C2: variants seen among roughly 807,000 people sequenced by gnomAD.
C2 encodes the protein C3/C5 convertase.
A neutral mutation model predicts 85.2 loss-of-function variants in C2; 64 were observed. The ratio of observed to expected loss-of-function variants is 0.75; its 90% confidence interval spans 0.61 to 0.92. The LOEUF (loss-of-function observed/expected upper bound fraction) is 0.92. Among genes scored for constraint, C2 ranks in the 40% least tolerant of loss-of-function variants. The pLI is 0.00. For synonymous variants in C2, 311 were observed against 370.8 expected, an observed-to-expected ratio of 0.84 and a Z score of 1.85; for missense variants, 820 against 971.6, an observed-to-expected ratio of 0.84 and a Z score of 2.07.
At position 31,945,383 on chromosome 6, in the gene C2, C is replaced by T. The variant is rs770364020; in HGVS notation, c.*26C>T. The T allele has an allele frequency of 3.7e-6, 6 of 1,609,186 alleles. No homozygotes were observed. The African/African-American group carries it at 4.0e-5, about 11-fold the overall frequency. ...CCATGGCCACTGAGCCCTCTGCTGC[C>T]CTGCCAGAATCTGCCGCCCCTCCAT... On this transcript the variant is annotated 3_prime_UTR_variant, in exon 18 of 18. Transcript: ENST00000299367. This position sits in a 1 kb window ranked among gnomAD's most constrained non-coding sequence, Gnocchi z 5.3.
chr6:31,930,494 G>T (rs1177468500), intron 3 of C2, among the ~76,000 whole-genome samples: 2 of 152,206 alleles, frequency 1.3e-5, no homozygotes, highest in Non-Finnish European at 2.9e-5. Flanking sequence ...GGGAATGCAG[G>T]CATGTGCCAC....
At chr6:31,912,621 C>A (rs1582027736) in intron 1 of C2, among the ~76,000 whole-genome samples, 1 of 152,034 alleles carries the variant, frequency 6.6e-6, no homozygotes, top group African/African-American at 2.4e-5. Context: ...AGGTGGATCA[C>A]CTGAGGTCAG....
At chr6:31,902,583 T>TCA (rs1232952953) in intron 1 of C2, among the ~76,000 whole-genome samples, 1 of 152,266 alleles carries the variant, frequency 6.6e-6, no homozygotes, top group African/African-American at 2.4e-5. Flanking sequence ...CCTCCTCTGC[T>TCA]GAGTGTGCTC....
intron 1 of C2, among the ~76,000 whole-genome samples, chr6:31,903,200 CAGG>C (rs1336604524): frequency 6.6e-6 from 1 of 152,246 alleles, no homozygotes; most frequent in African/African-American, 2.4e-5. Flanking sequence ...TTACGTCCTT[CAGG>C]AGACTAGTGC....
chr6:31,905,202 G>A (rs1767637394), intron 1 of C2, among the ~76,000 whole-genome samples: 2 of 152,036 alleles, frequency 1.3e-5, no homozygotes, highest in Admixed American at 6.6e-5. Context: ...GGGAGGCCGA[G>A]GCAGGAGGAT....
intron 6 of C2, chr6:31,934,666 A>G (rs1426597378): frequency 2.4e-5 from 30 of 1,272,712 alleles, no homozygotes; most frequent in Non-Finnish European, 2.9e-5. Context: ...TAATAATTTA[A>G]TATTTAATAA....
At chr6:31,899,711 T>C (rs1767047768), upstream of C2, 1 of 566,200 alleles carries the variant, frequency 1.8e-6, no homozygotes, top group Non-Finnish European at 3.1e-6. Context: ...TCCCCTGGCC[T>C]CCAAGAACCC....
intron 6 of C2, 110 bp downstream of exon 6, chr6:31,934,409 T>A (rs772194870): frequency 1.4e-6 from 2 of 1,427,474 alleles, no homozygotes; most frequent in Non-Finnish European, 2.0e-6. Flanking sequence ...CTCCAAGAAG[T>A]CTTCTCAGAT....
rs1771149749 is a variant in C2, at chr6:31,944,139, T to C, written c.1815T>C (p.Asn605=). 3.1e-6 allele frequency: 5 copies of C among 1,611,378 alleles called. No homozygotes were observed. The East Asian group carries it at 8.9e-5, about 29-fold the overall frequency. ...ATCCCCTTCTCTTGACTATAGAGAA[T>C]GAACTGCTGAACAAACAGAGTGTTC... is the stretch of plus-strand genomic sequence containing the variant. ...PQGSTCRDHE[N]ELLNKQSVPA... is the part of the protein sequence containing the mutation. The change falls in exon 15 of 18, where the codon AAT becomes AAC. Residue 605 remains asparagine, a synonymous_variant. Coordinates refer to ENST00000299367, the MANE Select transcript of C2 (RefSeq NM_000063.6). This position sits in a 1 kb window ranked among gnomAD's most constrained non-coding sequence, Gnocchi z 5.1.
At chr6:31,901,033 G>A (rs755313282) in exon 1 of C2, 4 of 1,614,194 alleles carry the variant, frequency 2.5e-6, no homozygotes, top group African/African-American at 2.7e-5. Flanking sequence ...ATTCCAAGGC[G>A]CCCGTGTAGC....
rs993647297 is a variant in C2, at chr6:31,921,643, A to G, written c.-100+1617A>G. On this transcript the variant is annotated intron_variant, in intron 1 of 3. Transcript: ENST00000413154. This position sits in a 1 kb window ranked among gnomAD's most constrained non-coding sequence, Gnocchi z 4.6. ...GCTCTGCTGCTTAGTACCTGTATGA[A>G]CCTGGGGCAGCTCACTTAACCTTTG... Among the ~76,000 whole-genome samples, 1 of 152,042 alleles carries G rather than the reference A, an allele frequency of 6.6e-6. No homozygotes were observed. Among genetic ancestry groups the G allele is most frequent in the Non-Finnish European group, 1.5e-5 (1 of 68,000 alleles).
intron 3 of C2, among the ~76,000 whole-genome samples, chr6:31,931,759 C>G (rs1017254573): frequency 8.5e-5 from 13 of 152,338 alleles, no homozygotes; most frequent in Admixed American, 2.6e-4. Context: ...ATCATGGCCC[C>G]TTCTCAATGA....
At chr6:31,938,612 C>CT (rs1176437552) in intron 8 of C2, among the ~76,000 whole-genome samples, 1 of 151,806 alleles carries the variant, frequency 6.6e-6, no homozygotes, top group Non-Finnish European at 1.5e-5. Flanking sequence ...GTGCCTCAGC[C>CT]TCCAGAGTAG....
chr6:31,944,921 G>A lies in C2; in HGVS notation c.2030-59G>A, dbSNP rs1049502713. The A allele has an allele frequency of 1.9e-6, 3 of 1,612,750 alleles. No homozygotes were observed. Among genetic ancestry groups the A allele is most frequent in the Non-Finnish European group, 2.5e-6 (3 of 1,179,838 alleles). On this transcript the variant is annotated intron_variant, in intron 16 of 17. Coordinates refer to ENST00000299367, the MANE Select transcript of C2 (RefSeq NM_000063.6). The surrounding 1 kb of genome is among the most constrained non-coding windows in gnomAD (Gnocchi z 5.1). ...CTGTGTCTCTGTGGCCAGCATGCAT[G>A]CCAGAACACCAGTCCACTGCCCTAG...
At chr6:31,913,208 G>A (rs981663772) in intron 1 of C2, among the ~76,000 whole-genome samples, 2 of 152,174 alleles carry the variant, frequency 1.3e-5, no homozygotes, top group Middle Eastern at 3.4e-3. Flanking sequence ...AGCCTCCTGG[G>A]TATCTGGGAC....
rs9332730 is a variant in C2 at position 31,944,232 on chromosome 6, G to A, written c.1902+6G>A. 1 of 1,595,344 alleles carries A rather than the reference G, an allele frequency of 6.3e-7. No homozygotes were observed. The highest frequency in any genetic ancestry group is 8.6e-7 in the Non-Finnish European group (1 of 1,164,084). ...ACCTTAAGATGGGAGTGGAGGTGAG[G>A]GTCTCAGGTTGGGGATGCTGGGATC... On this transcript the variant is annotated splice_donor_region_variant and intron_variant, in intron 15 of 17. Transcript: ENST00000299367. The surrounding 1 kb of genome is among the most constrained non-coding windows in gnomAD (Gnocchi z 5.1).
At chr6:31,932,588 T>A (rs9267768) in intron 3 of C2, 1 of 159,970 alleles carries the variant, frequency 6.3e-6, no homozygotes, top group Non-Finnish European at 1.3e-5. Flanking sequence ...CCTCACTTCC[T>A]AGATGGGATG....
At chr6:31,925,411 AC>A (rs1769201715), upstream of C2, among the ~76,000 whole-genome samples, 1 of 151,440 alleles carries the variant, frequency 6.6e-6, no homozygotes, top group Non-Finnish European at 1.5e-5. Flanking sequence ...TCCTACCTCA[AC>A]CTCCTGAGCA....
At chr6:31,936,502 TTTC>T (rs1183097144) in intron 7 of C2, 9 of 212,764 alleles carry the variant, frequency 4.2e-5, no homozygotes, top group South Asian at 2.3e-4. Context: ...ACATTTCTTT[TTTC>T]TTCTTCTTTT....
Sources: allele counts gnomAD v4.1 joint callset (sites outside exome capture counted in the v4.1 genomes callset), GRCh38; gene constraint gnomAD v4.1.1; non-coding constraint Gnocchi (gnomAD v3.1); transcripts MANE v1.5; gene names NCBI Gene and HGNC (gene_info 2026-07-23, HGNC 2026-07-21).